Variants in CYRIB observed in about 807,000 individuals in gnomAD.
The protein encoded by CYRIB is CYFIP related Rac1 interactor B, also known as CYFIP-related Rac1 interactor B.
In CYRIB, 8 loss-of-function variants were observed where a neutral mutation model predicts 44.2. The observed-to-expected ratio is 0.18, with a 90% confidence interval of 0.11 to 0.33. The LOEUF is 0.33. Ranked by LOEUF, CYRIB falls within the 10% of genes least tolerant of loss-of-function variation. The probability of loss-of-function intolerance (pLI) is 1.00; values close to 1 mark genes in which losing one functional copy is unlikely to be tolerated. For missense variants in CYRIB, 185 were observed against 382.8 expected (o/e 0.48, Z 4.31); for synonymous variants, 131 against 127.2 (o/e 1.03, Z -0.20).
exon 12 of CYRIB, chr8:129,842,148 C>T (rs898963186): frequency 6.8e-6 from 11 of 1,610,964 alleles, no homozygotes; most frequent in Non-Finnish European, 9.3e-6. Context: ...ATTGTTATTG[C>T]AGCATGGATT....
chr8:129,915,933 T>C (rs961928274), intron 1 of CYRIB, among the ~76,000 whole-genome samples: 1 of 152,198 alleles, frequency 6.6e-6, no homozygotes, highest in Non-Finnish European at 1.5e-5. Context: ...TATTTTAACT[T>C]TGAAATCTGA....
intron 5 of CYRIB, among the ~76,000 whole-genome samples, chr8:129,856,395 T>A (rs1429801826): frequency 6.6e-6 from 1 of 152,194 alleles, no homozygotes; most frequent in Non-Finnish European, 1.5e-5. Context: ...ATAAATACCA[T>A]GTTTGATAAT....
intron 1 of CYRIB, among the ~76,000 whole-genome samples, chr8:129,985,006 G>A (rs1471316302): frequency 1.3e-5 from 2 of 152,152 alleles, no homozygotes; most frequent in Non-Finnish European, 2.9e-5. Context: ...CCTGACCTCA[G>A]GTGATCGCCT....
At chr8:129,986,464 G>C (rs2096459178) in intron 1 of CYRIB, among the ~76,000 whole-genome samples, 1 of 152,214 alleles carries the variant, frequency 6.6e-6, no homozygotes, top group African/African-American at 2.4e-5. Context: ...GTGTTCAGAG[G>C]TGGGACCTTA....
chr8:129,909,864 CAT>C (rs1034601854), intron 1 of CYRIB, among the ~76,000 whole-genome samples: 3 of 152,220 alleles, frequency 2.0e-5, no homozygotes, highest in African/African-American at 7.2e-5. Context: ...TACTGACAAA[CAT>C]AATCCCTGAA....
At chr8:129,878,240 T>C (rs1332835728) in intron 3 of CYRIB, among the ~76,000 whole-genome samples, 5 of 152,194 alleles carry the variant, frequency 3.3e-5, no homozygotes, top group Non-Finnish European at 7.4e-5. Flanking sequence ...AGATCCTTTA[T>C]AGAAATGGAA....
intron 5 of CYRIB, among the ~76,000 whole-genome samples, chr8:129,858,250 T>C (rs540052885): frequency 1.6e-4 from 25 of 152,322 alleles, no homozygotes; most frequent in Admixed American, 8.5e-4. Flanking sequence ...TGCCTGGGAT[T>C]GGACTCAGAT....
rs183251250 is a variant in CYRIB, at chr8:129,880,795, G to C, written c.-10-1324C>G. 4.6e-4 allele frequency among the ~76,000 whole-genome samples: 70 copies of C among 152,204 alleles called. 1 individual carries two copies. The highest frequency in any genetic ancestry group is 1.7e-3 in the African/African-American group (69 of 41,536). On this transcript the variant is annotated intron_variant, in intron 2 of 11. Coordinates refer to ENST00000519824, the Ensembl canonical transcript of CYRIB. ...ATTTCTCAATTTAACAGCAAAACTA[G>C]ATTTCTCAAATAAGTAACTATAGAA...
intron 2 of CYRIB, among the ~76,000 whole-genome samples, chr8:129,889,587 A>C (rs555019133): frequency 3.3e-5 from 5 of 152,274 alleles, no homozygotes; most frequent in African/African-American, 1.2e-4. Flanking sequence ...GTTTGAAAGA[A>C]GTTGATTCTA....
At chr8:129,987,534 CCTTTT>C (rs1175835979) in intron 1 of CYRIB, among the ~76,000 whole-genome samples, 20 of 151,234 alleles carry the variant, frequency 1.3e-4, no homozygotes, top group Admixed American at 1.3e-3. Context: ...CCACCTCCCA[CCTTTT>C]CTTTTCTTTT....
chr8:129,930,677 A>G (rs1307307605), intron 1 of CYRIB, among the ~76,000 whole-genome samples: 1 of 152,078 alleles, frequency 6.6e-6, no homozygotes, highest in Non-Finnish European at 1.5e-5. Context: ...ACATATTTTG[A>G]CTACTGCTTC....
chr8:129,890,965 C>A (rs1018988716), intron 2 of CYRIB, among the ~76,000 whole-genome samples: 1 of 151,410 alleles, frequency 6.6e-6, no homozygotes, highest in Non-Finnish European at 1.5e-5. Context: ...CAAGCAATGT[C>A]ACCAAAAGGA....
intron 2 of CYRIB, among the ~76,000 whole-genome samples, chr8:129,964,426 T>C (rs2095393241): frequency 6.6e-6 from 1 of 152,156 alleles, no homozygotes; most frequent in Non-Finnish European, 1.5e-5. Context: ...GGGACTAGTG[T>C]CAGGAGAGAC....
In CYRIB at chr8:129,965,622, C is replaced by G. The variant is rs572985249; in HGVS notation, c.-243+5321G>C. ...CCGTCCTGGCTAACACGGTGAAACC[C>G]TGTCTCTACTAAAAATACAAAAAAT... is the stretch of plus-strand genomic sequence containing the variant. On this transcript the variant is annotated intron_variant, in intron 2 of 14. Coordinates refer to the CYRIB transcript ENST00000401979. Among the ~76,000 whole-genome samples, 225 of 151,984 alleles carry G rather than the reference C, an allele frequency of 1.5e-3. 2 individuals carry two copies. The highest frequency in any genetic ancestry group is 5.1e-3 in the African/African-American group (212 of 41,494).
At chr8:129,938,920 T>C (rs2093289379) in intron 1 of CYRIB, among the ~76,000 whole-genome samples, 1 of 152,020 alleles carries the variant, frequency 6.6e-6, no homozygotes, top group African/African-American at 2.4e-5. Context: ...AGTTATAGAT[T>C]TGGGTAATTA....
At chr8:129,940,716 T>A (rs2130801327), upstream of CYRIB, among the ~76,000 whole-genome samples, 1 of 152,302 alleles carries the variant, frequency 6.6e-6, no homozygotes, top group Middle Eastern at 3.4e-3. Flanking sequence ...GACAATGTTA[T>A]CTCTCCCAGG....
At chr8:129,866,640 C>G (rs778599534) in intron 4 of CYRIB, among the ~76,000 whole-genome samples, 1 of 152,204 alleles carries the variant, frequency 6.6e-6, no homozygotes, top group Non-Finnish European at 1.5e-5. Context: ...ATTTTCTTCT[C>G]TTAAAGAAGT....
chr8:129,854,215 C>A (rs2044873797), intron 7 of CYRIB, 51 bp downstream of exon 9: 1 of 1,299,980 alleles, frequency 7.7e-7, no homozygotes, highest in African/African-American at 1.5e-5. Context: ...AATGAACAGG[C>A]TGAGCACTAA....
intron 2 of CYRIB, among the ~76,000 whole-genome samples, chr8:129,901,950 T>G (rs1331440502): frequency 6.6e-6 from 1 of 152,224 alleles, no homozygotes; most frequent in African/African-American, 2.4e-5. Context: ...TAGTATTTGT[T>G]AATGGCTTTT....
Sources: allele counts gnomAD v4.1 joint callset (sites outside exome capture counted in the v4.1 genomes callset), GRCh38; gene constraint gnomAD v4.1.1; transcripts MANE v1.5; gene names NCBI Gene and HGNC (gene_info 2026-07-23, HGNC 2026-07-21).